Variants in NRAP observed in about 807,000 individuals in gnomAD.
The protein encoded by NRAP is nebulin related anchoring protein, also known as nebulin-related-anchoring protein.
A neutral mutation model predicts 225.9 loss-of-function variants in NRAP; 189 were observed. The observed-to-expected ratio is 0.84, with a 90% CI of 0.74 to 0.94. The LOEUF is 0.94. Ranked by LOEUF, NRAP falls within the 40% of genes least tolerant of loss-of-function variation. The probability of loss-of-function intolerance (pLI) is 0.00; values close to 1 mark genes in which losing one functional copy is unlikely to be tolerated. For synonymous variants in NRAP, 769 were observed against 790.7 expected, an observed-to-expected ratio of 0.97 and a Z score of 0.46; for missense variants, 2,176 against 2,168.7, an observed-to-expected ratio of 1.00 and a Z score of -0.07.
In NRAP at chr10:113,617,444, T is replaced by C; in HGVS notation, c.2973+11A>G. On this transcript the variant is annotated intron_variant, in intron 26 of 41. Transcript: ENST00000359988. ...CTCTTAGAGTCATAATGTATATACA[T>C]TATCACTTACATCCACTGCTTGGGT... is the stretch of plus-strand genomic sequence containing the variant. 2 of 1,468,082 alleles carry C rather than the reference T, an allele frequency of 1.4e-6. No homozygotes were observed. Among genetic ancestry groups the C allele is most frequent in the Non-Finnish European group, 1.9e-6 (2 of 1,046,602 alleles). 90.9% of individuals were successfully genotyped at this position (1,468,082 alleles called of 1,614,324 possible).
rs1849290798 is a variant in NRAP at position 113,642,929 on chromosome 10, C to G, written c.1215+5G>C. The stretch of plus-strand genomic sequence containing the variant: ...CCAAACAAAAGCTTAGCGTTAACAA[C>G]TCACATCACTGGTAAATTTTGAGAT... On this transcript the variant is annotated splice_donor_5th_base_variant and intron_variant, in intron 12 of 41. Coordinates refer to ENST00000359988, the MANE Select transcript of NRAP (RefSeq NM_198060.4). 1 of 1,526,532 alleles carries G rather than the reference C, an allele frequency of 6.6e-7. No homozygotes were observed. Among genetic ancestry groups the G allele is most frequent in the Non-Finnish European group, 9.1e-7 (1 of 1,100,204 alleles). 94.6% of individuals were successfully genotyped at this position (1,526,532 alleles called of 1,614,324 possible).
chr10:113,645,669 G>A (rs543815125), intron 11 of NRAP, among the ~76,000 whole-genome samples, 156 bp downstream of exon 11: 1 of 152,202 alleles, frequency 6.6e-6, no homozygotes, highest in South Asian at 2.1e-4. Flanking sequence ...TGCCTGCCTC[G>A]GCCTCCCAAA....
chr10:113,595,563 T>A, intron 38 of NRAP, 60 bp downstream of exon 38: 1 of 1,075,628 alleles, frequency 9.3e-7, no homozygotes, highest in Non-Finnish European at 1.4e-6. Flanking sequence ...GAAATCCACA[T>A]TGGGCACAGA....
chr10:113,648,467 C>CTCTA (rs749486311), intron 9 of NRAP, among the ~76,000 whole-genome samples: 2,278 of 87,288 alleles, frequency 0.026, 42 homozygotes, highest in African/African-American at 0.043. Flanking sequence ...CTCTCTCTCT[C>CTCTA]TATATATATA....
intron 19 of NRAP, 72 bp downstream of exon 19, chr10:113,629,514 AGG>A: frequency 1.9e-6 from 2 of 1,052,886 alleles, no homozygotes; most frequent in Admixed American, 3.5e-5. Flanking sequence ...ACTCGTGCAC[AGG>A]TTTGAAATCA....
At chr10:113,598,790 C>G (rs1388356557) in intron 35 of NRAP, among the ~76,000 whole-genome samples, 1 of 152,176 alleles carries the variant, frequency 6.6e-6, no homozygotes, top group African/African-American at 2.4e-5. Context: ...CACTGTTACT[C>G]ATTATGATTT....
At chr10:113,650,327 T>C in intron 8 of NRAP, 111 bp downstream of exon 8, 1 of 866,250 alleles carries the variant, frequency 1.2e-6, no homozygotes, top group Non-Finnish European at 1.9e-6. Context: ...AAAGGAAAAC[T>C]ACTCCCTGGC....
At chr10:113,611,799 A>G (rs115077182) in intron 30 of NRAP, among the ~76,000 whole-genome samples, 1 of 152,186 alleles carries the variant, frequency 6.6e-6, no homozygotes. Context: ...GCCAGAGGCA[A>G]TATCATTGGC....
At position 113,623,573 on chromosome 10, in the gene NRAP, A is replaced by C; in HGVS notation, c.2413T>G (p.Leu805Val). ...AKGFELRLDS[L>V]TFLAAKAKRD... ...TTGGCTTTGGCTGCCAGGAAGGTCA[A>C]GGAATCAAGACGCAGCTCAAACCCT... The change falls in exon 23 of 42, where the codon TTG (leucine) becomes GTG (valine). Residue 805 changes from leucine (L) to valine (V), a missense_variant. This residue lies in a region of NRAP where 1,708 missense variants were observed against 1,695.5 expected (regional missense o/e 1.01). Coordinates refer to ENST00000359988, the MANE Select transcript of NRAP (RefSeq NM_198060.4). The C allele has an allele frequency of 6.2e-7, 1 of 1,613,940 alleles. No individual in the cohort carries two copies. The highest frequency in any genetic ancestry group is 8.5e-7 in the Non-Finnish European group (1 of 1,179,836).
At position 113,590,836 on chromosome 10, in the gene NRAP, GC is replaced by G. The variant is rs1288202954; in HGVS notation, c.4697del (p.Arg1566ProfsTer9). On this transcript the variant is annotated frameshift_variant, in exon 40 of 42. Coordinates refer to ENST00000359988, the MANE Select transcript of NRAP (RefSeq NM_198060.4). LOFTEE classifies it high-confidence loss of function. ...TCATCCTTGGGTCATCGTCGACACTGCGGTACCCGATCTGCAGGCCTCGGTC... is the reference window on the plus strand; with the variant it reads ...TCATCCTTGGGTCATCGTCGACACTGGGTACCCGATCTGCAGGCCTCGGTC... Reference protein sequence around the residue: ...LRDRGLQIGYRSVDDDPRMKH... With the variant: ...LRDRGLQIGYXSVDDDPRMKH... 1.2e-6 allele frequency: 2 copies of G among 1,614,214 alleles called. No homozygotes were observed. Among genetic ancestry groups the G allele is most frequent in the Admixed American group, 1.7e-5 (1 of 60,032 alleles).
chr10:113,610,445 G>C lies in NRAP; in HGVS notation c.3603+14C>G. ...GAAATGTCCTGGACACTCAACACCA[G>C]CATCTGTAGTTACCTCACTGATGAG... is the stretch of plus-strand genomic sequence containing the variant. On this transcript the variant is annotated intron_variant, in intron 31 of 41. Coordinates refer to ENST00000359988, the MANE Select transcript of NRAP (RefSeq NM_198060.4). The C allele has an allele frequency of 8.2e-7, 1 of 1,213,130 alleles. No homozygotes were observed. The highest frequency in any genetic ancestry group is 1.2e-6 in the Non-Finnish European group (1 of 813,168). The allele number at this position is 1,213,130 out of a possible 1,614,324, so 75.1% of individuals were successfully genotyped here.
chr10:113,628,756 G>T (rs1848417191), intron 20 of NRAP, among the ~76,000 whole-genome samples, 161 bp downstream of exon 20: 1 of 152,212 alleles, frequency 6.6e-6, no homozygotes, highest in East Asian at 1.9e-4. Context: ...GGTGTGGAAA[G>T]TTAGCTGAGA....
intron 38 of NRAP, among the ~76,000 whole-genome samples, chr10:113,592,645 C>G (rs2133826639): frequency 6.6e-6 from 1 of 152,306 alleles, no homozygotes; most frequent in African/African-American, 2.4e-5. Flanking sequence ...TTTGCAGCTT[C>G]TAGGTGCCAG....
chr10:113,593,302 C>T lies in NRAP; in HGVS notation c.4537-1001G>A, dbSNP rs557490244. On this transcript the variant is annotated intron_variant, in intron 38 of 41. Transcript: ENST00000359988. Reference sequence around the variant, plus strand: ...AGGTCAAGGCTGGCACTCTGTTCTACGGGGGATTGGGGGGATTAAGCAAAG... The same window carrying T: ...AGGTCAAGGCTGGCACTCTGTTCTATGGGGGATTGGGGGGATTAAGCAAAG... 1.1e-4 allele frequency among the ~76,000 whole-genome samples: 17 copies of T among 152,230 alleles called. 1 individual carries two copies. Among genetic ancestry groups the T allele is most frequent in the Admixed American group, 2.6e-4 (4 of 15,292 alleles).
rs1848727048 is a variant in NRAP at position 113,634,135 on chromosome 10, T to C, written c.1504A>G (p.Ile502Val). ...TDTPQIVQAK[I>V]NAQQLSHVNY... Reference sequence around the variant, plus strand: ...ACATGACTCAGCTGCTGGGCATTGATTTTGGCTTGAACAATCTGTGGGGTG... The same window carrying C: ...ACATGACTCAGCTGCTGGGCATTGACTTTGGCTTGAACAATCTGTGGGGTG... Residue 502 changes from isoleucine (I) to valine (V), a missense_variant, in exon 15 of 42, where the codon ATC (isoleucine) becomes GTC (valine). By Grantham distance (29) the Ile-to-Val change is conservative. This residue lies in a region of NRAP where 1,708 missense variants were observed against 1,695.5 expected (regional missense o/e 1.01). Coordinates refer to ENST00000359988, the MANE Select transcript of NRAP (RefSeq NM_198060.4). The C allele has an allele frequency of 6.2e-7, 1 of 1,613,478 alleles. No homozygotes were observed. The highest frequency in any genetic ancestry group is 8.5e-7 in the Non-Finnish European group (1 of 1,179,456).
intron 14 of NRAP, among the ~76,000 whole-genome samples, chr10:113,635,923 C>A (rs1460027105): frequency 6.6e-6 from 1 of 152,168 alleles, no homozygotes; most frequent in South Asian, 2.1e-4. Context: ...CATTCCCTGC[C>A]CACATAGATA....
rs188774819 is a variant in NRAP at position 113,631,697 on chromosome 10, A to G, written c.1741-87T>C. The G allele has an allele frequency of 6.7e-4, 643 of 964,506 alleles. 1 individual carries two copies. The African/African-American group carries it at 9.7e-3, about 15-fold the overall frequency. The allele number at this position is 964,506 out of a possible 1,614,324, so 59.7% of individuals were successfully genotyped here. On this transcript the variant is annotated intron_variant, in intron 17 of 41. Transcript: ENST00000359988. ...TGGTTTTAACAAGTGCAAGGGGAACAATTCTGAAAAAACACCTCCCAGTCT... is the reference window on the plus strand; with the variant it reads ...TGGTTTTAACAAGTGCAAGGGGAACGATTCTGAAAAAACACCTCCCAGTCT...
chr10:113,604,515 C>T (rs1479473078), intron 35 of NRAP, 94 bp downstream of exon 35: 1 of 1,107,360 alleles, frequency 9.0e-7, no homozygotes, highest in Non-Finnish European at 1.3e-6. Context: ...GCAGGAGAGC[C>T]CAAAAGACTA....
chr10:113,646,931 C>T lies in NRAP; in HGVS notation c.985G>A (p.Ala329Thr), dbSNP rs748598252. Residue 329 changes from alanine (A) to threonine (T), a missense_variant, in exon 10 of 42, where the codon GCT (alanine) becomes ACT (threonine). Ala to Thr is a moderately conservative substitution (Grantham distance 58). Transcript: ENST00000359988. ...ACCTACATGGTACTTACGTCACTAG[C>T]GAGTTCGTGAGCTTTCTTGGCGTTC... ...YQNAKKAHEL[A>T]SDIKYRQDFN... The T allele has an allele frequency of 8.7e-6, 14 of 1,611,908 alleles. No individual in the cohort carries two copies. The highest frequency in any genetic ancestry group is 1.3e-5 in the African/African-American group (1 of 74,884).
Sources: allele counts gnomAD v4.1 joint callset (sites outside exome capture counted in the v4.1 genomes callset), GRCh38; gene constraint gnomAD v4.1.1; regional missense constraint gnomAD v4.1.1; transcripts MANE v1.5; gene names NCBI Gene and HGNC (gene_info 2026-07-23, HGNC 2026-07-21).